The following PI4K2B variants were observed in gnomAD, a reference collection of about 807,000 sequenced individuals.
PI4K2B encodes phosphatidylinositol 4-kinase type 2 beta, also known as phosphatidylinositol 4-kinase type 2-beta.
A neutral mutation model predicts 56.6 loss-of-function variants in PI4K2B; 46 were observed. The observed-to-expected ratio is 0.81, with a 90% CI of 0.64 to 1.04. PI4K2B has a LOEUF of 1.04. PI4K2B is among the 50% of genes least tolerant of loss of function. The pLI, the probability that PI4K2B is intolerant of heterozygous loss-of-function variation, is 0.00. For missense variants in PI4K2B, 556 were observed against 607.7 expected (o/e 0.91, Z 0.89); for synonymous variants, 211 against 223.8 (o/e 0.94, Z 0.51).
chr4:25,254,702 G>A (rs1370373310), intron 2 of PI4K2B, among the ~76,000 whole-genome samples: 6 of 152,110 alleles, frequency 3.9e-5, no homozygotes, highest in East Asian at 1.9e-4. Flanking sequence ...GTGAGCCACC[G>A]TGCCCGGCCC....
intron 1 of PI4K2B, among the ~76,000 whole-genome samples, chr4:25,235,557 T>C (rs1168179656): frequency 6.6e-6 from 1 of 152,216 alleles, no homozygotes; most frequent in Non-Finnish European, 1.5e-5. Flanking sequence ...TTGTTTAAGC[T>C]TTAACCAACG....
At chr4:25,259,600 AC>A (rs1206224156) in intron 5 of PI4K2B, among the ~76,000 whole-genome samples, 1 of 152,182 alleles carries the variant, frequency 6.6e-6, no homozygotes, top group Non-Finnish European at 1.5e-5. Flanking sequence ...AATGACGTAG[AC>A]CAGGGATGTC....
At chr4:25,251,551 G>A (rs1040989221) in intron 1 of PI4K2B, among the ~76,000 whole-genome samples, 24 of 152,100 alleles carry the variant, frequency 1.6e-4, no homozygotes, top group African/African-American at 5.6e-4. Flanking sequence ...TGACGTGGGG[G>A]AGCAGTCCTT....
chr4:25,277,053 C>G lies in PI4K2B; in HGVS notation c.1312C>G (p.Pro438Ala). 1 of 1,605,180 alleles carries G rather than the reference C, an allele frequency of 6.2e-7. No individual in the cohort carries two copies. Among genetic ancestry groups the G allele is most frequent in the Non-Finnish European group, 8.5e-7 (1 of 1,173,548 alleles). The change falls in exon 10 of 10, where the codon CCT (proline) becomes GCT (alanine). Residue 438 changes from proline to alanine, a missense_variant. Physicochemically the swap from Pro to Ala is conservative, Grantham distance 27 (BLOSUM62 -1). Transcript: ENST00000264864. Reference sequence around the variant, plus strand: ...TCAGGCATTGAGAGACGGGAAGAGTCCTTTCCAGCTAGTACAGATACCTTG... The same window carrying G: ...TCAGGCATTGAGAGACGGGAAGAGTGCTTTCCAGCTAGTACAGATACCTTG... ...LTQALRDGKS[P>A]FQLVQIPCVI...
chr4:25,257,658 T>C (rs917315197), intron 4 of PI4K2B, among the ~76,000 whole-genome samples: 2 of 152,214 alleles, frequency 1.3e-5, no homozygotes, highest in African/African-American at 2.4e-5. Flanking sequence ...ATTTGGCTTA[T>C]GATTTTCTTG....
intron 1 of PI4K2B, among the ~76,000 whole-genome samples, chr4:25,238,829 G>A (rs1362984987): frequency 1.3e-5 from 2 of 151,462 alleles, no homozygotes; most frequent in Non-Finnish European, 2.9e-5. Flanking sequence ...CAGTGTGGAA[G>A]GGGACCTGAG....
rs1409418717 is a variant in PI4K2B, at chr4:25,260,884, T to G, written c.978+293T>G. Among the ~76,000 whole-genome samples the G allele has an allele frequency of 2.7e-5, 4 of 149,632 alleles. No homozygotes were observed. In the East Asian group the frequency reaches 7.8e-4, roughly 29 times the overall value. ...TTGATTCTTGATTTTTTTTTTTTTT[T>G]TTTTTTAGGGGTGGGATTTTGCCGT... is the stretch of plus-strand genomic sequence containing the variant. On this transcript the variant is annotated intron_variant, in intron 6 of 9. Coordinates refer to ENST00000264864, the MANE Select transcript of PI4K2B (RefSeq NM_018323.4).
chr4:25,260,635 TATATATACACACAC>T (rs1716432635), intron 6 of PI4K2B, 44 bp downstream of exon 6: 2 of 58,720 alleles, frequency 3.4e-5, no homozygotes, highest in African/African-American at 6.3e-5. Flanking sequence ...TATATATATA[TATATATACACACAC>T]ACACACACAC....
chr4:25,259,701 TA>T (rs200120037), intron 5 of PI4K2B, among the ~76,000 whole-genome samples: 68 of 145,410 alleles, frequency 4.7e-4, no homozygotes, highest in Middle Eastern at 3.5e-3. Flanking sequence ...CTGATGAGCT[TA>T]AAAAAAAAAA....
intron 9 of PI4K2B, 182 bp from the exon 10 acceptor site, chr4:25,276,824 TGTGTGTGC>T (rs1717115471): frequency 3.1e-6 from 3 of 981,536 alleles, no homozygotes; most frequent in South Asian, 4.7e-5. Flanking sequence ...TGTGCGCGTG[TGTGTGTGC>T]GCGTGTGTGT....
At chr4:25,268,871 A>G (rs1009718926) in intron 8 of PI4K2B, among the ~76,000 whole-genome samples, 9 of 152,296 alleles carry the variant, frequency 5.9e-5, no homozygotes, top group East Asian at 1.9e-4. Flanking sequence ...GTGACCTGCT[A>G]TGTTTTAGTT....
intron 1 of PI4K2B, among the ~76,000 whole-genome samples, chr4:25,236,424 G>A (rs553713307): frequency 5.9e-5 from 9 of 151,758 alleles, no homozygotes; most frequent in South Asian, 2.1e-4. Context: ...GGTGGCGGGC[G>A]CCTGCAATTC....
chr4:25,249,795 G>A (rs574927303), intron 1 of PI4K2B, among the ~76,000 whole-genome samples: 181 of 152,096 alleles, frequency 1.2e-3, no homozygotes, highest in African/African-American at 4.1e-3. Flanking sequence ...AGGCAGAGAC[G>A]CTCCTCACTT....
rs913849314 is a variant in PI4K2B, at chr4:25,275,659, A to AAAAAC, written c.1273-1335_1273-1331dup. Among the ~76,000 whole-genome samples the AAAAAC allele has an allele frequency of 1.6e-4, 24 of 151,918 alleles. No homozygotes were observed. In the East Asian group the frequency reaches 3.7e-3, roughly 23 times the overall value. Reference sequence around the variant, plus strand: ...GGGTGACAGAGCAAGACCCTGTCTCAAAAACAAAACAAAACAAAACAAAAA... The same window carrying AAAAAC: ...GGGTGACAGAGCAAGACCCTGTCTCAAAAACAAAACAAAACAAAACAAAACAAAAA... On this transcript the variant is annotated intron_variant, in intron 9 of 9. Coordinates refer to ENST00000264864, the MANE Select transcript of PI4K2B (RefSeq NM_018323.4).
intron 3 of PI4K2B, among the ~76,000 whole-genome samples, chr4:25,255,563 G>A (rs977392045): frequency 3.9e-5 from 6 of 152,224 alleles, no homozygotes; most frequent in African/African-American, 1.2e-4. Flanking sequence ...TGAAGGCAGA[G>A]ATAACCAATG....
chr4:25,275,685 A>C (rs1346157326), intron 9 of PI4K2B, among the ~76,000 whole-genome samples: 3 of 152,146 alleles, frequency 2.0e-5, no homozygotes, highest in African/African-American at 7.2e-5. Context: ...AAAACAAAAA[A>C]AAAGAAAATG....
In PI4K2B at chr4:25,268,522, T is replaced by C; in HGVS notation, c.1158T>C (p.Ile386=). Residue 386 remains isoleucine (I), a synonymous_variant, in exon 8 of 10, where the codon ATT becomes ATC. Transcript: ENST00000264864. ...TAAGAAATTTGATTCTACCATATAT[T>C]TCTGACATGAACTTTGTGCAAGATT... The part of the protein sequence containing the change: ...EEIRNLILPY[I]SDMNFVQDLC... The C allele has an allele frequency of 6.2e-7, 1 of 1,600,032 alleles. No homozygotes were observed. The highest frequency in any genetic ancestry group is 8.5e-7 in the Non-Finnish European group (1 of 1,170,962).
intron 1 of PI4K2B, among the ~76,000 whole-genome samples, chr4:25,239,027 T>C (rs972976638): frequency 9.9e-5 from 15 of 152,244 alleles, no homozygotes; most frequent in Non-Finnish European, 1.5e-5. Flanking sequence ...GTTCTCCAAG[T>C]CCCCACTAGA....
chr4:25,241,730 C>G (rs1017239546), intron 1 of PI4K2B, among the ~76,000 whole-genome samples: 5 of 152,204 alleles, frequency 3.3e-5, no homozygotes, highest in African/African-American at 1.2e-4. Context: ...CCTTTTGCTA[C>G]TACATCAGTT....
Sources: allele counts gnomAD v4.1 joint callset (sites outside exome capture counted in the v4.1 genomes callset), GRCh38; gene constraint gnomAD v4.1.1; transcripts MANE v1.5; gene names NCBI Gene and HGNC (gene_info 2026-07-23, HGNC 2026-07-21).